Variants in CSTL1 observed in about 807,000 individuals in gnomAD.
CSTL1 encodes cystatin like 1.
CSTL1 carries 14 observed loss-of-function variants against 14.4 expected under a neutral mutation model. The ratio of observed to expected loss-of-function variants is 0.97; its 90% CI spans 0.64 to 1.52. The LOEUF is 1.52. Among genes scored for constraint, CSTL1 ranks in the 40% most tolerant of loss-of-function variants. The pLI is 0.00. For synonymous variants in CSTL1, 72 were observed against 67.5 expected, an observed-to-expected ratio of 1.07 and a Z score of -0.33; for missense variants, 170 against 168.7, an observed-to-expected ratio of 1.01 and a Z score of -0.04.
downstream of CSTL1, among the ~76,000 whole-genome samples, chr20:23,447,981 T>G (rs1279079532): frequency 2.6e-5 from 4 of 152,218 alleles, no homozygotes; most frequent in Non-Finnish European, 4.4e-5. Flanking sequence ...AATTGTACTA[T>G]TTCTATCTTT....
At chr20:23,440,524 G>C in intron 2 of CSTL1, 38 bp downstream of exon 2, 1 of 1,452,934 alleles carries the variant, frequency 6.9e-7, no homozygotes, top group South Asian at 1.1e-5. Flanking sequence ...AGCAGGCCCT[G>C]TTCTTGCCAG....
At chr20:23,449,104 G>A (rs1327732179), downstream of CSTL1, among the ~76,000 whole-genome samples, 1 of 152,194 alleles carries the variant, frequency 6.6e-6, no homozygotes, top group African/African-American at 2.4e-5. Flanking sequence ...GTGAGAACTG[G>A]TGTTGCTGAC....
At chr20:23,440,851 G>T in intron 2 of CSTL1, 2 of 341,494 alleles carry the variant, frequency 5.9e-6, no homozygotes, top group South Asian at 4.6e-5. Context: ...CCTCCTCCCA[G>T]GTTCAAGTGA....
chr20:23,446,635 A>G (rs1014740718), downstream of CSTL1, among the ~76,000 whole-genome samples: 2 of 152,146 alleles, frequency 1.3e-5, no homozygotes, highest in Non-Finnish European at 2.9e-5. Flanking sequence ...TGAGCCTCCC[A>G]TGTTCTGATG....
chr20:23,455,133 A>G, the CSTL1 span, among the ~76,000 whole-genome samples: 1 of 152,190 alleles, frequency 6.6e-6, no homozygotes, highest in African/African-American at 2.4e-5. Flanking sequence ...GAAAAAGACG[A>G]AAGGATTGTG....
the CSTL1 span, chr20:23,458,643 C>T: frequency 6.6e-6 from 1 of 152,134 alleles, no homozygotes; most frequent in Non-Finnish European, 1.5e-5. Context: ...CCCAGGAGAA[C>T]CAGCAAATAT....
chr20:23,439,925 C>A, intron 1 of CSTL1, 119 bp downstream of exon 1: 1 of 318,162 alleles, frequency 3.1e-6, no homozygotes, highest in Non-Finnish European at 6.0e-6. Context: ...TATCTACAAC[C>A]CCAGCTCTTA....
At chr20:23,450,934 A>T in the CSTL1 span, among the ~76,000 whole-genome samples, 1 of 151,420 alleles carries the variant, frequency 6.6e-6, no homozygotes, top group Non-Finnish European at 1.5e-5. Flanking sequence ...CCATTTATTC[A>T]TCCACCCATT....
At chr20:23,454,287 A>G in the CSTL1 span, among the ~76,000 whole-genome samples, 2 of 148,586 alleles carry the variant, frequency 1.3e-5, no homozygotes, top group Non-Finnish European at 3.0e-5. Flanking sequence ...ACAGATACAC[A>G]CACCTACATT....
chr20:23,448,919 T>G (rs769090445), downstream of CSTL1, among the ~76,000 whole-genome samples: 1 of 152,236 alleles, frequency 6.6e-6, no homozygotes, highest in Non-Finnish European at 1.5e-5. Flanking sequence ...GAGTAGGTAC[T>G]GTTATTCTCA....
the CSTL1 span, chr20:23,452,608 G>A: frequency 6.2e-7 from 1 of 1,613,278 alleles, no homozygotes; most frequent in Non-Finnish European, 8.5e-7. Context: ...TAAGGACTCG[G>A]AAGATCCTGA....
chr20:23,451,076 C>T, the CSTL1 span, among the ~76,000 whole-genome samples: 5 of 152,160 alleles, frequency 3.3e-5, no homozygotes, highest in South Asian at 2.1e-4. Context: ...CCCATTCATC[C>T]ATCCTTCCAT....
intron 2 of CSTL1, among the ~76,000 whole-genome samples, chr20:23,443,071 G>A (rs949079207): frequency 4.6e-5 from 7 of 152,144 alleles, no homozygotes; most frequent in African/African-American, 7.2e-5. Flanking sequence ...TCCATGGCTC[G>A]TGTACCCACC....
the CSTL1 span, chr20:23,459,424 A>G: frequency 2.0e-5 from 3 of 152,130 alleles, no homozygotes; most frequent in African/African-American, 7.2e-5. Context: ...CCAGGCAAAG[A>G]GCTTATAATG....
At chr20:23,449,217 C>T (rs1025355389), downstream of CSTL1, among the ~76,000 whole-genome samples, 1 of 152,150 alleles carries the variant, frequency 6.6e-6, no homozygotes, top group African/African-American at 2.4e-5. Flanking sequence ...GCTTGACTTC[C>T]CTGTGCCCTT....
At chr20:23,443,177 A>G (rs564973430) in intron 2 of CSTL1, among the ~76,000 whole-genome samples, 72 of 152,350 alleles carry the variant, frequency 4.7e-4, no homozygotes, top group African/African-American at 1.7e-3. Context: ...TAAAATTTAC[A>G]GAGTCTGCAG....
chr20:23,448,128 C>T (rs1157242796), downstream of CSTL1, among the ~76,000 whole-genome samples: 1 of 152,162 alleles, frequency 6.6e-6, no homozygotes, highest in Non-Finnish European at 1.5e-5. Context: ...GATTTTGGCA[C>T]ACCTCTCACC....
the CSTL1 span, among the ~76,000 whole-genome samples, chr20:23,451,489 G>C: frequency 1.1e-3 from 165 of 152,248 alleles, no homozygotes; most frequent in African/African-American, 3.9e-3. Flanking sequence ...TTCAGTCAGC[G>C]CACCTGACAG....
chr20:23,456,090 C>T, the CSTL1 span, among the ~76,000 whole-genome samples: 1 of 152,180 alleles, frequency 6.6e-6, no homozygotes, highest in Non-Finnish European at 1.5e-5. Context: ...GGCCCACTCC[C>T]CTGAAAACAG....
Sources: allele counts gnomAD v4.1 joint callset (sites outside exome capture counted in the v4.1 genomes callset), GRCh38; gene constraint gnomAD v4.1.1; transcripts MANE v1.5; gene names NCBI Gene and HGNC (gene_info 2026-07-23, HGNC 2026-07-21).